The following ACTR3C variants were observed in gnomAD, a reference collection of about 807,000 sequenced individuals.
ACTR3C encodes the protein actin-related protein 3C.
A neutral mutation model predicts 26.3 loss-of-function variants in ACTR3C; 18 were observed. The observed-to-expected ratio is 0.68, with a 90% CI of 0.47 to 1.01. The LOEUF is 1.01. Ranked by LOEUF, ACTR3C falls within the 50% of genes least tolerant of loss-of-function variation. ACTR3C has a pLI of 0.00. For missense variants in ACTR3C, 184 were observed against 250.7 expected (o/e 0.73, Z 1.80); for synonymous variants, 55 against 94.5 (o/e 0.58, Z 2.42).
the ACTR3C span, among the ~76,000 whole-genome samples, chr7:150,020,349 G>A: frequency 1.3e-5 from 2 of 151,904 alleles, no homozygotes; most frequent in South Asian, 2.1e-4. Flanking sequence ...GTGTTTTTTC[G>A]GTCCTTTTCT....
At chr7:150,263,455 G>C (rs1833804003) in intron 6 of ACTR3C, among the ~76,000 whole-genome samples, 1 of 131,496 alleles carries the variant, frequency 7.6e-6, no homozygotes, top group African/African-American at 2.8e-5. Flanking sequence ...GCCGCTTAGA[G>C]AACTACCAAG....
the ACTR3C span, among the ~76,000 whole-genome samples, chr7:150,000,072 A>C: frequency 6.7e-6 from 1 of 149,574 alleles, no homozygotes; most frequent in East Asian, 1.9e-4. Flanking sequence ...TAGTATTTTT[A>C]ATCTATTATT....
the ACTR3C span, among the ~76,000 whole-genome samples, chr7:150,162,559 C>T: frequency 1.3e-5 from 2 of 152,112 alleles, no homozygotes; most frequent in Non-Finnish European, 2.9e-5. Context: ...TTGTGATTCG[C>T]CCACCTCGGT....
At chr7:150,231,166 A>G in the ACTR3C span, among the ~76,000 whole-genome samples, 1 of 152,104 alleles carries the variant, frequency 6.6e-6, no homozygotes. Context: ...AATATTTTAT[A>G]TTTCTCTTGA....
the ACTR3C span, among the ~76,000 whole-genome samples, chr7:150,114,592 G>A: frequency 1.3e-5 from 2 of 152,160 alleles, no homozygotes; most frequent in African/African-American, 2.4e-5. Context: ...TTTTTTACAT[G>A]AAGATTTATT....
the ACTR3C span, among the ~76,000 whole-genome samples, chr7:150,125,485 G>T: frequency 6.6e-6 from 1 of 150,486 alleles, no homozygotes; most frequent in Non-Finnish European, 1.5e-5. Flanking sequence ...GTGGGTGGGG[G>T]GTCCTGTTTC....
chr7:150,084,298 T>C, the ACTR3C span, among the ~76,000 whole-genome samples: 1 of 152,198 alleles, frequency 6.6e-6, no homozygotes, highest in African/African-American at 2.4e-5. Context: ...AATTGTTATA[T>C]AATGACTTCC....
chr7:149,895,313 C>T, the ACTR3C span, among the ~76,000 whole-genome samples: 1 of 152,162 alleles, frequency 6.6e-6, no homozygotes, highest in South Asian at 2.1e-4. Flanking sequence ...AAATAAATTA[C>T]AAGAGATCTA....
the ACTR3C span, among the ~76,000 whole-genome samples, chr7:149,914,172 A>G: frequency 6.6e-6 from 1 of 150,790 alleles, no homozygotes; most frequent in South Asian, 2.2e-4. Context: ...TATAGGTGTG[A>G]GCCACCGAGC....
chr7:150,135,327 C>T, the ACTR3C span, among the ~76,000 whole-genome samples: 1,297 of 152,334 alleles, frequency 8.5e-3, 29 homozygotes, highest in African/African-American at 0.03. Flanking sequence ...AGAATGGTGT[C>T]ATTTTCAACA....
chr7:150,220,909 G>T, the ACTR3C span, among the ~76,000 whole-genome samples: 3 of 152,300 alleles, frequency 2.0e-5, no homozygotes, highest in Admixed American at 6.5e-5. Flanking sequence ...AGGGGTTAAG[G>T]AGGGACTGGT....
the ACTR3C span, among the ~76,000 whole-genome samples, chr7:150,223,468 T>C: frequency 6.8e-6 from 1 of 146,392 alleles, no homozygotes; most frequent in African/African-American, 2.7e-5. Context: ...CTAAGGTAGA[T>C]GCAGGGTTTT....
chr7:149,901,980 A>C, the ACTR3C span, among the ~76,000 whole-genome samples: 1 of 150,078 alleles, frequency 6.7e-6, no homozygotes, highest in South Asian at 2.1e-4. Context: ...AGTTGAAAAA[A>C]AATGTGTTTG....
chr7:150,224,926 A>T, the ACTR3C span, among the ~76,000 whole-genome samples: 1 of 150,970 alleles, frequency 6.6e-6, no homozygotes, highest in Non-Finnish European at 1.5e-5. Flanking sequence ...ACTCTTATTT[A>T]TTTTTGCTCA....
the ACTR3C span, among the ~76,000 whole-genome samples, chr7:150,195,833 C>T: frequency 1.3e-5 from 2 of 152,146 alleles, no homozygotes; most frequent in Admixed American, 6.5e-5. Context: ...GAGGCAAGAT[C>T]GTGCCATTGC....
the ACTR3C span, among the ~76,000 whole-genome samples, chr7:149,945,106 G>A: frequency 6.6e-6 from 1 of 151,906 alleles, no homozygotes; most frequent in African/African-American, 2.4e-5. Context: ...AGGCTGAGGC[G>A]GGGCTGTGGG....
chr7:150,128,218 C>T, the ACTR3C span, among the ~76,000 whole-genome samples: 2 of 152,170 alleles, frequency 1.3e-5, no homozygotes, highest in East Asian at 1.9e-4. Flanking sequence ...CAAGTGAGAT[C>T]AAACCCTCCT....
the ACTR3C span, among the ~76,000 whole-genome samples, chr7:150,103,962 G>A: frequency 6.6e-6 from 1 of 151,862 alleles, no homozygotes; most frequent in Non-Finnish European, 1.5e-5. Flanking sequence ...TATTGGAGAC[G>A]ATTTAAACAT....
chr7:150,167,297 C>G, the ACTR3C span, among the ~76,000 whole-genome samples: 1 of 150,576 alleles, frequency 6.6e-6, no homozygotes, highest in Non-Finnish European at 1.5e-5. Context: ...ACTAGCATTC[C>G]CCTTTCTGTG....
Sources: gnomAD v4.1 joint callset for allele counts (sites outside exome capture counted in the v4.1 genomes callset) on GRCh38, gnomAD v4.1.1 for gene constraint, MANE v1.5 for transcripts, NCBI Gene and HGNC (gene_info 2026-07-23, HGNC 2026-07-21) for gene names.